ACYP2: variants seen among roughly 807,000 people sequenced by gnomAD.
ACYP2 encodes acylphosphatase-2.
In ACYP2, 12 loss-of-function variants were observed where a neutral mutation model predicts 11.2. That is an observed-to-expected ratio of 1.08 (90% CI 0.69 to 1.74). The LOEUF is 1.74. Among genes scored for constraint, ACYP2 ranks in the 40% most tolerant of loss-of-function variants. ACYP2 has a pLI of 0.00. For missense variants in ACYP2, 134 were observed against 101.9 expected (o/e 1.31, Z -1.35); for synonymous variants, 43 against 32.2 (o/e 1.33, Z -1.13).
At chr2:54,033,842 A>G (rs1282795305) in intron 2 of ACYP2, among the ~76,000 whole-genome samples, 2 of 152,184 alleles carry the variant, frequency 1.3e-5, no homozygotes, top group African/African-American at 4.8e-5. Context: ...GAAAGAACAT[A>G]ATGATTTTTT....
At chr2:54,184,346 C>T (rs1179587143) in intron 6 of ACYP2, among the ~76,000 whole-genome samples, 1 of 152,144 alleles carries the variant, frequency 6.6e-6, no homozygotes, top group African/African-American at 2.4e-5. Flanking sequence ...GAGGCACTTA[C>T]ACATATTCCT....
At chr2:54,172,329 G>T (rs1006136378) in intron 6 of ACYP2, among the ~76,000 whole-genome samples, 2 of 151,988 alleles carry the variant, frequency 1.3e-5, no homozygotes, top group Admixed American at 6.6e-5. Flanking sequence ...ATTACTTAAG[G>T]CAAAGCTTTT....
intron 6 of ACYP2, among the ~76,000 whole-genome samples, chr2:54,243,853 G>C (rs1185702583): frequency 6.6e-6 from 1 of 151,846 alleles, no homozygotes; most frequent in African/African-American, 2.4e-5. Context: ...GGAATTACTG[G>C]CAGGCCCATA....
At chr2:54,106,548 A>T (rs561543260) in intron 4 of ACYP2, among the ~76,000 whole-genome samples, 1 of 152,138 alleles carries the variant, frequency 6.6e-6, no homozygotes, top group African/African-American at 2.4e-5. Context: ...TGCTGTCAAC[A>T]TAATGTCTCA....
chr2:54,165,768 C>A (rs756634857), intron 6 of ACYP2, among the ~76,000 whole-genome samples: 13 of 152,080 alleles, frequency 8.5e-5, no homozygotes, highest in Non-Finnish European at 1.2e-4. Flanking sequence ...CCTACCCCTG[C>A]CCCAAGGGAA....
At position 54,304,842 on chromosome 2, in the gene ACYP2, G is replaced by T. The variant is rs755093940; in HGVS notation, c.*40G>T. On this transcript the variant is annotated 3_prime_UTR_variant, in exon 7 of 7. Transcript: ENST00000607452. ...TGTAACACACTGAACAATAGATACTGTATGTTCTTAAGACTATGTATACTA... is the reference window on the plus strand; with the variant it reads ...TGTAACACACTGAACAATAGATACTTTATGTTCTTAAGACTATGTATACTA... The T allele has an allele frequency of 2.6e-6, 3 of 1,147,474 alleles. No homozygotes were observed. The highest frequency in any genetic ancestry group is 2.6e-5 in the East Asian group (1 of 37,966). 71.1% of individuals were successfully genotyped at this position (1,147,474 alleles called of 1,614,324 possible).
At chr2:54,181,545 C>T (rs1292764364) in intron 6 of ACYP2, among the ~76,000 whole-genome samples, 3 of 152,166 alleles carry the variant, frequency 2.0e-5, no homozygotes, top group Non-Finnish European at 4.4e-5. Context: ...TTCTGCCAGG[C>T]CCCACATAAA....
At position 54,161,093 on chromosome 2, in the gene ACYP2, C is replaced by G. The variant is rs190426957; in HGVS notation, c.404+22345C>G. Reference sequence around the variant, plus strand: ...ATCCGGAGCCCAGGGTAAGTTCCAGCAGTGTGAGTTCATAAGCCCTCCAGG... The same window carrying G: ...ATCCGGAGCCCAGGGTAAGTTCCAGGAGTGTGAGTTCATAAGCCCTCCAGG... On this transcript the variant is annotated intron_variant, in intron 6 of 6. Transcript: ENST00000607452. Among the ~76,000 whole-genome samples the G allele has an allele frequency of 8.7e-4, 132 of 152,282 alleles. 1 individual carries two copies. Among genetic ancestry groups the G allele is most frequent in the African/African-American group, 3.1e-3 (130 of 41,560 alleles).
chr2:54,170,181 C>T (rs968432566), intron 6 of ACYP2, among the ~76,000 whole-genome samples: 1 of 152,140 alleles, frequency 6.6e-6, no homozygotes, highest in Non-Finnish European at 1.5e-5. Flanking sequence ...GAGACAGACT[C>T]TCACTCTGTT....
chr2:54,285,821 A>G (rs905111980), intron 6 of ACYP2, among the ~76,000 whole-genome samples: 1 of 152,154 alleles, frequency 6.6e-6, no homozygotes, highest in African/African-American at 2.4e-5. Flanking sequence ...TGCTGTCTGG[A>G]ACACAGATGT....
intron 6 of ACYP2, among the ~76,000 whole-genome samples, chr2:54,207,360 C>G (rs1277949291): frequency 6.6e-6 from 1 of 152,088 alleles, no homozygotes; most frequent in Non-Finnish European, 1.5e-5. Context: ...ATGTTGTAGT[C>G]TGGAGGCAGA....
chr2:54,030,788 T>C (rs995918135), intron 2 of ACYP2: 2 of 152,280 alleles, frequency 1.3e-5, no homozygotes, highest in African/African-American at 4.8e-5. Context: ...ATAATGTCTC[T>C]AAAAAATAAT....
intron 2 of ACYP2, among the ~76,000 whole-genome samples, chr2:54,009,403 CACAA>C (rs776772113): frequency 1.6e-4 from 25 of 151,666 alleles, no homozygotes; most frequent in Non-Finnish European, 2.7e-4. Context: ...TACTTAAAAA[CACAA>C]ACAAACAAAC....
chr2:54,293,026 AACATTT>A (rs1239473237), intron 6 of ACYP2, among the ~76,000 whole-genome samples: 1 of 152,166 alleles, frequency 6.6e-6, no homozygotes, highest in Non-Finnish European at 1.5e-5. Flanking sequence ...CTTAAAATTG[AACATTT>A]ACTATTTTCC....
chr2:54,115,289 T>C (rs1679683989), intron 4 of ACYP2: 4 of 455,100 alleles, frequency 8.8e-6, no homozygotes, highest in Admixed American at 4.1e-5. Context: ...ACCACAAATA[T>C]ACCCAACTTT....
At chr2:54,097,364 A>G (rs1237864195) in intron 4 of ACYP2, among the ~76,000 whole-genome samples, 2 of 152,232 alleles carry the variant, frequency 1.3e-5, no homozygotes, top group African/African-American at 4.8e-5. Flanking sequence ...AAGTGTCTAC[A>G]CAGTGTCTCA....
At chr2:54,248,544 T>C (rs867233678) in intron 6 of ACYP2, among the ~76,000 whole-genome samples, 9 of 152,084 alleles carry the variant, frequency 5.9e-5, no homozygotes, top group Non-Finnish European at 1.3e-4. Flanking sequence ...CCACTTCTTA[T>C]AGGAAGCCTT....
intron 6 of ACYP2, among the ~76,000 whole-genome samples, chr2:54,149,199 T>C (rs1209705187): frequency 1.3e-5 from 2 of 152,200 alleles, no homozygotes; most frequent in Non-Finnish European, 2.9e-5. Context: ...CTGAATTAAA[T>C]TGCCTTTAAA....
intron 4 of ACYP2, among the ~76,000 whole-genome samples, chr2:54,070,544 A>G (rs1676981903): frequency 6.6e-6 from 1 of 152,128 alleles, no homozygotes; most frequent in African/African-American, 2.4e-5. Context: ...TAGCTCTTTT[A>G]TGAATCCTCA....
Sources: gnomAD v4.1 joint callset for allele counts (sites outside exome capture counted in the v4.1 genomes callset) on GRCh38, gnomAD v4.1.1 for gene constraint, MANE v1.5 for transcripts, NCBI Gene and HGNC (gene_info 2026-07-23, HGNC 2026-07-21) for gene names.